The following VPS13B variants were observed in gnomAD, a reference collection of about 807,000 sequenced individuals.
VPS13B encodes intermembrane lipid transfer protein VPS13B.
In VPS13B, 285 loss-of-function variants were observed where a neutral mutation model predicts 426.4. The observed-to-expected ratio is 0.67, with a 90% CI of 0.61 to 0.74. The LOEUF (loss-of-function observed/expected upper bound fraction) is 0.74. Ranked by LOEUF, VPS13B falls within the 30% of genes least tolerant of loss-of-function variation. The pLI, the probability that VPS13B is intolerant of heterozygous loss-of-function variation, is 0.00. For missense variants in VPS13B, 4,537 were observed against 4,782.6 expected, an observed-to-expected ratio of 0.95 and a Z score of 1.51; for synonymous variants, 1,676 against 1,676.4, an observed-to-expected ratio of 1.00 and a Z score of 0.01.
chr8:99,711,936 A>G (rs1832723928), intron 36 of VPS13B, among the ~76,000 whole-genome samples: 1 of 152,230 alleles, frequency 6.6e-6, no homozygotes, highest in Non-Finnish European at 1.5e-5. Context: ...AGAAACAATC[A>G]GAAGCATGGT....
intron 19 of VPS13B, among the ~76,000 whole-genome samples, chr8:99,314,593 G>C (rs1441436369): frequency 6.6e-6 from 1 of 152,108 alleles, no homozygotes; most frequent in Non-Finnish European, 1.5e-5. Context: ...TGGGACTACA[G>C]GTGTGCATCA....
At chr8:99,640,998 T>G (rs1341225408) in intron 33 of VPS13B, among the ~76,000 whole-genome samples, 1 of 152,158 alleles carries the variant, frequency 6.6e-6, no homozygotes, top group Non-Finnish European at 1.5e-5. Flanking sequence ...AGTTGCAGAC[T>G]GATGGTTAGG....
chr8:99,647,580 A>G (rs1437116991), intron 34 of VPS13B, among the ~76,000 whole-genome samples: 2 of 152,136 alleles, frequency 1.3e-5, no homozygotes, highest in African/African-American at 4.8e-5. Flanking sequence ...CTGTAAAAAA[A>G]AAAAAAAAAA....
At chr8:99,169,951 G>T in intron 15 of VPS13B, 88 bp from the exon 16 acceptor site, 2 of 1,493,440 alleles carry the variant, frequency 1.3e-6, no homozygotes, top group Admixed American at 3.4e-5. Flanking sequence ...TGCAGCTGTT[G>T]TAAAGCAAGT....
chr8:99,823,687 C>A, intron 50 of VPS13B, 145 bp from the exon 51 acceptor site: 1 of 832,100 alleles, frequency 1.2e-6, no homozygotes, highest in Non-Finnish European at 1.9e-6. Flanking sequence ...GAAAGGAACG[C>A]CATTAAATAT....
At chr8:99,846,332 T>C (rs1178404341) in intron 54 of VPS13B, among the ~76,000 whole-genome samples, 2 of 152,218 alleles carry the variant, frequency 1.3e-5, no homozygotes, top group African/African-American at 4.8e-5. Flanking sequence ...CCAACTAGGC[T>C]GTGAGCAGTG....
intron 33 of VPS13B, among the ~76,000 whole-genome samples, chr8:99,634,796 A>T (rs1009163288): frequency 2.6e-5 from 4 of 151,818 alleles, no homozygotes; most frequent in African/African-American, 9.7e-5. Flanking sequence ...ATTCTTTTTG[A>T]TGTGTTTTTG....
At chr8:99,053,801 C>G (rs1001032691) in intron 3 of VPS13B, among the ~76,000 whole-genome samples, 2 of 150,968 alleles carry the variant, frequency 1.3e-5, no homozygotes, top group Non-Finnish European at 2.9e-5. Flanking sequence ...CTCCTGGGTT[C>G]AAGTGATTCT....
intron 29 of VPS13B, among the ~76,000 whole-genome samples, chr8:99,519,497 G>GC (rs764132143): frequency 2.6e-5 from 4 of 152,088 alleles, no homozygotes; most frequent in Non-Finnish European, 5.9e-5. Context: ...AAAGACACAT[G>GC]CACATGTATG....
chr8:99,684,718 A>G lies in VPS13B; in HGVS notation c.6047-14807A>G, dbSNP rs140769759. Reference sequence around the variant, plus strand: ...TTCAGTGGAAGAGACAGGTTCCATCATTCCTAGAACTCTGAAATAATTTTT... The same window carrying G: ...TTCAGTGGAAGAGACAGGTTCCATCGTTCCTAGAACTCTGAAATAATTTTT... On this transcript the variant is annotated intron_variant, in intron 35 of 61. Coordinates refer to ENST00000357162, the MANE Select transcript of VPS13B (RefSeq NM_152564.5). Among the ~76,000 whole-genome samples, 760 of 152,330 alleles carry G rather than the reference A, an allele frequency of 5.0e-3. 5 individuals are homozygous for G. The highest frequency in any genetic ancestry group is 0.017 in the African/African-American group (714 of 41,568).
At chr8:99,820,250 A>G in intron 49 of VPS13B, 128 bp downstream of exon 49, 1 of 856,752 alleles carries the variant, frequency 1.2e-6, no homozygotes, top group Non-Finnish European at 1.8e-6. Context: ...CATATGTAAG[A>G]GGTATGGAAT....
At chr8:99,505,649 T>C (rs1821461062) in intron 27 of VPS13B, among the ~76,000 whole-genome samples, 2 of 152,040 alleles carry the variant, frequency 1.3e-5, no homozygotes, top group South Asian at 4.2e-4. Flanking sequence ...CCATAACAGA[T>C]ATAATAATAA....
At chr8:99,296,287 A>C (rs1372672944) in intron 19 of VPS13B, among the ~76,000 whole-genome samples, 1 of 152,174 alleles carries the variant, frequency 6.6e-6, no homozygotes, top group Admixed American at 6.5e-5. Context: ...TGTGAAGAGC[A>C]TTTATTGTTC....
intron 19 of VPS13B, among the ~76,000 whole-genome samples, chr8:99,278,314 T>C (rs1818997964): frequency 6.6e-6 from 1 of 152,182 alleles, no homozygotes; most frequent in South Asian, 2.1e-4. Flanking sequence ...AGGCAGCCTT[T>C]TGACTGTGAT....
At chr8:99,863,326 T>C (rs946497901) in intron 58 of VPS13B, among the ~76,000 whole-genome samples, 1 of 152,126 alleles carries the variant, frequency 6.6e-6, no homozygotes. Flanking sequence ...CTTAATCCAA[T>C]GGATTAAGTG....
chr8:99,552,961 A>G (rs1487343112), intron 30 of VPS13B, among the ~76,000 whole-genome samples: 6 of 152,130 alleles, frequency 3.9e-5, no homozygotes, highest in Non-Finnish European at 7.4e-5. Context: ...GAACTGTCCT[A>G]TCACCACAGA....
chr8:99,232,030 G>A (rs1193353723), intron 17 of VPS13B, among the ~76,000 whole-genome samples: 1 of 152,116 alleles, frequency 6.6e-6, no homozygotes, highest in Admixed American at 6.6e-5. Context: ...GAGTAACCAA[G>A]CGTAAGTTGA....
At chr8:99,660,650 A>G (rs1430451742) in intron 34 of VPS13B, among the ~76,000 whole-genome samples, 1 of 152,128 alleles carries the variant, frequency 6.6e-6, no homozygotes, top group Non-Finnish European at 1.5e-5. Flanking sequence ...AAGCAAATTA[A>G]GTTTACCACA....
At chr8:99,422,013 A>C (rs943324338) in intron 21 of VPS13B, among the ~76,000 whole-genome samples, 5 of 152,170 alleles carry the variant, frequency 3.3e-5, no homozygotes, top group African/African-American at 1.2e-4. Flanking sequence ...AAGCACTTGC[A>C]GCAGTGCCTG....
Sources: allele counts gnomAD v4.1 joint callset (sites outside exome capture counted in the v4.1 genomes callset), GRCh38; gene constraint gnomAD v4.1.1; transcripts MANE v1.5; gene names NCBI Gene and HGNC (gene_info 2026-07-23, HGNC 2026-07-21).